Variants in DAB1 observed in about 807,000 individuals in gnomAD.
The protein encoded by DAB1 is disabled homolog 1.
DAB1 carries 15 observed loss-of-function variants against 64.6 expected under a neutral mutation model. That is an observed-to-expected ratio of 0.23 (90% CI 0.16 to 0.36). The LOEUF (loss-of-function observed/expected upper bound fraction) is 0.36, where lower values mean the gene tolerates loss of function less well. DAB1 is among the 10% of genes least tolerant of loss of function. DAB1 has a pLI of 1.00. For missense variants in DAB1, 596 were observed against 706.7 expected (o/e 0.84, Z 1.78); for synonymous variants, 235 against 251.9 (o/e 0.93, Z 0.64).
At chr1:57,094,435 A>G (rs1413954127) in intron 4 of DAB1, among the ~76,000 whole-genome samples, 2 of 152,150 alleles carry the variant, frequency 1.3e-5, no homozygotes, top group East Asian at 1.9e-4. Flanking sequence ...CCTTATGTAC[A>G]TGCAGATTTG....
chr1:58,235,943 T>C (rs1019185019), intron 4 of DAB1, among the ~76,000 whole-genome samples: 7 of 152,202 alleles, frequency 4.6e-5, no homozygotes, highest in Non-Finnish European at 8.8e-5. Context: ...AAGGGAAAGC[T>C]GCTACAGGAG....
At chr1:57,773,374 C>G (rs1336086324) in intron 6 of DAB1, among the ~76,000 whole-genome samples, 1 of 151,422 alleles carries the variant, frequency 6.6e-6, no homozygotes, top group Non-Finnish European at 1.5e-5. Context: ...CACACACACA[C>G]AGACACGTAC....
chr1:58,231,953 A>G (rs994152680), intron 4 of DAB1, among the ~76,000 whole-genome samples: 12 of 152,348 alleles, frequency 7.9e-5, no homozygotes, highest in African/African-American at 2.9e-4. Flanking sequence ...ACAGGTAAAA[A>G]TAATAGCAAG....
At chr1:58,048,601 G>A in intron 5 of DAB1, 1 of 1,037,704 alleles carries the variant, frequency 9.6e-7, no homozygotes, top group Non-Finnish European at 1.5e-6. Context: ...TGACATCACA[G>A]CTGCCACCAA....
chr1:57,312,640 C>T lies in DAB1; in HGVS notation c.-136-21474G>A, dbSNP rs542500182. On this transcript the variant is annotated intron_variant, in intron 1 of 14. Coordinates refer to ENST00000371236, the MANE Select transcript of DAB1 (RefSeq NM_001365792.1). The stretch of plus-strand genomic sequence containing the variant: ...GATCTGATTTAGTTGTTGTGATACC[C>T]GGAATCATACAAAGGCTTTATTAAA... 7.2e-5 allele frequency among the ~76,000 whole-genome samples: 11 copies of T among 152,144 alleles called. No homozygotes were observed. The East Asian group carries it at 1.7e-3, about 24-fold the overall frequency.
chr1:58,238,190 G>A (rs773613068), intron 4 of DAB1, among the ~76,000 whole-genome samples: 1 of 152,322 alleles, frequency 6.6e-6, no homozygotes, highest in East Asian at 1.9e-4. Context: ...CAGTAGGATA[G>A]ACCAAGGGTC....
chr1:57,873,886 T>C (rs1369382736), intron 1 of DAB1: 1 of 152,318 alleles, frequency 6.6e-6, no homozygotes, highest in Admixed American at 6.5e-5. Flanking sequence ...TGCTGGACTC[T>C]GAATGCCATT....
At chr1:58,061,529 T>C (rs987075677) in intron 5 of DAB1, among the ~76,000 whole-genome samples, 1 of 152,184 alleles carries the variant, frequency 6.6e-6, no homozygotes, top group African/African-American at 2.4e-5. Context: ...AAATTTTCCC[T>C]TTTTACAGGG....
chr1:57,935,510 C>G (rs1380560624), intron 5 of DAB1, among the ~76,000 whole-genome samples: 1 of 152,038 alleles, frequency 6.6e-6, no homozygotes, highest in African/African-American at 2.4e-5. Flanking sequence ...TAAATGTCTG[C>G]GGGTCAGTGT....
At chr1:57,852,888 C>T (rs1186708491) in intron 1 of DAB1, among the ~76,000 whole-genome samples, 1 of 152,012 alleles carries the variant, frequency 6.6e-6, no homozygotes, top group East Asian at 1.9e-4. Flanking sequence ...ACAGCAGTAT[C>T]CTCAGGGACC....
chr1:57,951,257 T>C (rs887726366), intron 5 of DAB1, among the ~76,000 whole-genome samples: 1 of 139,258 alleles, frequency 7.2e-6, no homozygotes, highest in African/African-American at 2.7e-5. Flanking sequence ...CATTGGGGGG[T>C]GAGGGGGGTA....
chr1:58,291,262 G>T (rs987611570), intron 4 of DAB1, among the ~76,000 whole-genome samples: 4 of 152,154 alleles, frequency 2.6e-5, no homozygotes, highest in Admixed American at 6.5e-5. Context: ...GCTGACCATG[G>T]CCTGGAGACA....
intron 5 of DAB1, among the ~76,000 whole-genome samples, chr1:57,939,220 C>A (rs1645068498): frequency 1.3e-5 from 2 of 152,110 alleles, no homozygotes; most frequent in South Asian, 4.1e-4. Context: ...ATGCTCTGGT[C>A]TCTCTGTCCC....
chr1:57,907,089 C>G (rs1057266905), intron 5 of DAB1, among the ~76,000 whole-genome samples: 4 of 152,144 alleles, frequency 2.6e-5, no homozygotes, highest in Non-Finnish European at 1.5e-5. Context: ...TTTATAATTA[C>G]GTCACATGCC....
chr1:57,519,462 C>G (rs1187822542), intron 7 of DAB1, among the ~76,000 whole-genome samples: 1 of 152,130 alleles, frequency 6.6e-6, no homozygotes, highest in Non-Finnish European at 1.5e-5. Context: ...TCAAATCCTT[C>G]CAGGTGAGTA....
chr1:58,226,460 C>T (rs918809414), intron 4 of DAB1, among the ~76,000 whole-genome samples: 1 of 151,260 alleles, frequency 6.6e-6, no homozygotes, highest in Non-Finnish European at 1.5e-5. Flanking sequence ...GGCACAGAAG[C>T]AGGGCTCGAG....
chr1:57,718,269 T>C lies in DAB1; in HGVS notation n.552-68604A>G, dbSNP rs1043702743. Among the ~76,000 whole-genome samples the C allele has an allele frequency of 1.4e-4, 22 of 152,254 alleles. No homozygotes were observed. In the East Asian group the frequency reaches 1.7e-3, roughly 12 times the overall value. On this transcript the variant is annotated intron_variant and non_coding_transcript_variant, in intron 6 of 20. Transcript: ENST00000485760. ...TATTAAAATATCAACCTGTATTCCA[T>C]AAATATGTACAGTTATGTGACTACT...
At chr1:57,261,270 A>G (rs566005916) in intron 2 of DAB1, among the ~76,000 whole-genome samples, 4 of 152,108 alleles carry the variant, frequency 2.6e-5, no homozygotes, top group African/African-American at 4.8e-5. Context: ...GACATATTTT[A>G]TCAGACAAAC....
At chr1:57,999,575 C>T (rs576706758) in intron 5 of DAB1, among the ~76,000 whole-genome samples, 5 of 152,290 alleles carry the variant, frequency 3.3e-5, no homozygotes, top group Admixed American at 1.3e-4. Context: ...CCCCAGCAGA[C>T]ACTTGGTAAT....
Sources: gnomAD v4.1 joint callset for allele counts (sites outside exome capture counted in the v4.1 genomes callset) on GRCh38, gnomAD v4.1.1 for gene constraint, MANE v1.5 for transcripts, NCBI Gene and HGNC (gene_info 2026-07-23, HGNC 2026-07-21) for gene names.